Variants in CDC5L observed in about 807,000 individuals in gnomAD.
The protein encoded by CDC5L is cell division cycle 5 like.
A neutral mutation model predicts 104.1 loss-of-function variants in CDC5L; 18 were observed. The ratio of observed to expected loss-of-function variants is 0.17; its 90% CI spans 0.12 to 0.26. The LOEUF (loss-of-function observed/expected upper bound fraction) is 0.26, where lower values mean the gene tolerates loss of function less well. CDC5L is among the 10% of genes least tolerant of loss of function. The pLI is 1.00. For missense variants in CDC5L, 673 were observed against 956.9 expected (o/e 0.70, Z 3.91); for synonymous variants, 331 against 322.7 (o/e 1.03, Z -0.28).
intron 3 of CDC5L, 98 bp downstream of exon 3, chr6:44,392,926 G>C: frequency 9.1e-7 from 1 of 1,099,428 alleles, no homozygotes. Flanking sequence ...TTTTAATTAT[G>C]GATGTGAGTA....
intron 8 of CDC5L, among the ~76,000 whole-genome samples, chr6:44,411,801 A>G (rs1791656208): frequency 6.6e-6 from 1 of 152,192 alleles, no homozygotes; most frequent in African/African-American, 2.4e-5. Context: ...TTTCTCAAGT[A>G]AATAAGTAAA....
chr6:44,442,707 A>G (rs1039684450), intron 14 of CDC5L, among the ~76,000 whole-genome samples: 1 of 152,154 alleles, frequency 6.6e-6, no homozygotes, highest in Admixed American at 6.5e-5. Flanking sequence ...CCTTTATACT[A>G]GAGATATAAT....
At chr6:44,413,639 A>G (rs1488432786) in intron 8 of CDC5L, among the ~76,000 whole-genome samples, 1 of 152,180 alleles carries the variant, frequency 6.6e-6, no homozygotes, top group Non-Finnish European at 1.5e-5. Context: ...GCTGGAGTGC[A>G]GTGGTGCAGT....
At position 44,446,751 on chromosome 6, in the gene CDC5L, G is replaced by T; in HGVS notation, c.*40G>T. 7 of 993,410 alleles carry T rather than the reference G, an allele frequency of 7.0e-6. No homozygotes were observed. The highest frequency in any genetic ancestry group is 2.9e-5 in the South Asian group (2 of 68,116). The allele number at this position is 993,410 out of a possible 1,614,324, so 61.5% of individuals were successfully genotyped here. ...TCTGTCACAGGATTAATTAATTGCC[G>T]GTTTTCATACTCTAGAAGGCTGAAA... On this transcript the variant is annotated 3_prime_UTR_variant, in exon 16 of 16. Coordinates refer to ENST00000371477, the MANE Select transcript of CDC5L (RefSeq NM_001253.4).
intron 6 of CDC5L, among the ~76,000 whole-genome samples, chr6:44,404,382 A>G (rs1791267764): frequency 6.6e-6 from 1 of 152,144 alleles, no homozygotes; most frequent in African/African-American, 2.4e-5. Flanking sequence ...CCTGGGCTCA[A>G]GCGATCCTTC....
At chr6:44,411,291 C>A (rs1409323078) in intron 8 of CDC5L, among the ~76,000 whole-genome samples, 7 of 152,024 alleles carry the variant, frequency 4.6e-5, no homozygotes, top group African/African-American at 7.2e-5. Flanking sequence ...GGATGTTTCA[C>A]TGGGAGAGTT....
intron 14 of CDC5L, among the ~76,000 whole-genome samples, chr6:44,440,914 G>A (rs2153383938): frequency 6.6e-6 from 1 of 152,120 alleles, no homozygotes; most frequent in South Asian, 2.1e-4. Flanking sequence ...CACCATCTTG[G>A]CAAGGCTGGT....
intron 8 of CDC5L, 83 bp downstream of exon 8, chr6:44,408,715 T>G: frequency 2.0e-6 from 2 of 1,020,800 alleles, no homozygotes; most frequent in Non-Finnish European, 2.8e-6. Context: ...AGCGGTTTGG[T>G]TGTGTTTCTT....
In CDC5L at chr6:44,449,135, G is replaced by C. The variant is rs1216046627; in HGVS notation, c.*2424G>C. 1 of 152,032 alleles carries C rather than the reference G, an allele frequency of 6.6e-6. No individual in the cohort carries two copies. Among genetic ancestry groups the C allele is most frequent in the African/African-American group, 2.4e-5 (1 of 41,394 alleles). The allele number at this position is 152,032 out of a possible 1,614,324, so 9.4% of individuals were successfully genotyped here. On this transcript the variant is annotated 3_prime_UTR_variant, in exon 16 of 16. Coordinates refer to ENST00000371477, the MANE Select transcript of CDC5L (RefSeq NM_001253.4). ...AAAAGTTGATCTAATATTAATAAAG[G>C]CTCACTTTGTTTTCAAAATTTGAAG... is the stretch of plus-strand genomic sequence containing the variant.
At chr6:44,412,777 A>ATTT in intron 8 of CDC5L, among the ~76,000 whole-genome samples, 1 of 84,736 alleles carries the variant, frequency 1.2e-5, no homozygotes, top group South Asian at 4.2e-4. Context: ...TTTTAGAATA[A>ATTT]TTTCTTTTTT....
At chr6:44,444,018 A>G (rs1793334823) in intron 14 of CDC5L, among the ~76,000 whole-genome samples, 1 of 151,950 alleles carries the variant, frequency 6.6e-6, no homozygotes, top group African/African-American at 2.4e-5. Flanking sequence ...ATACCTTTTA[A>G]ATCTTTGTAT....
chr6:44,423,810 A>T (rs959220163), intron 10 of CDC5L, among the ~76,000 whole-genome samples: 1 of 152,200 alleles, frequency 6.6e-6, no homozygotes, highest in Non-Finnish European at 1.5e-5. Context: ...TACAAATTCA[A>T]GTATCTTTTA....
chr6:44,411,491 A>G (rs1260096268), intron 8 of CDC5L, among the ~76,000 whole-genome samples: 2 of 151,666 alleles, frequency 1.3e-5, no homozygotes, highest in South Asian at 2.1e-4. Flanking sequence ...TCATTTCTCT[A>G]TTTTCATAGT....
intron 11 of CDC5L, among the ~76,000 whole-genome samples, chr6:44,425,751 A>T (rs1283570713): frequency 3.3e-5 from 5 of 152,100 alleles, no homozygotes; most frequent in Non-Finnish European, 7.4e-5. Context: ...TGGCTTTTTG[A>T]GTTAAAAGTC....
At chr6:44,446,568 G>A (rs1561982713) in intron 15 of CDC5L, 39 bp from the exon 16 acceptor site, 1 of 970,054 alleles carries the variant, frequency 1.0e-6, no homozygotes, top group Admixed American at 2.4e-5. Flanking sequence ...TTTCAGTATA[G>A]TTACATCTAA....
chr6:44,411,421 T>C (rs911763803), intron 8 of CDC5L, among the ~76,000 whole-genome samples: 16 of 150,152 alleles, frequency 1.1e-4, no homozygotes, highest in African/African-American at 3.9e-4. Context: ...GGCCAGTCTC[T>C]GGGAACCTAG....
At chr6:44,413,025 G>A (rs931675484) in intron 8 of CDC5L, among the ~76,000 whole-genome samples, 31 of 151,664 alleles carry the variant, frequency 2.0e-4, no homozygotes, top group Non-Finnish European at 3.5e-4. Context: ...CTCGTGATCC[G>A]CCCGCCTCGG....
chr6:44,397,200 A>T (rs1364138397), intron 5 of CDC5L, among the ~76,000 whole-genome samples: 1 of 152,180 alleles, frequency 6.6e-6, no homozygotes, highest in Non-Finnish European at 1.5e-5. Flanking sequence ...CAACTCATTA[A>T]CATGCAGAAA....
intron 4 of CDC5L, among the ~76,000 whole-genome samples, chr6:44,394,889 TATACACAC>T (rs1346685397): frequency 0.015 from 413 of 27,476 alleles, 4 homozygotes; most frequent in Non-Finnish European, 0.033. Context: ...AAAAAAATGG[TATACACAC>T]ACACACACAC....
Sources: allele counts gnomAD v4.1 joint callset (sites outside exome capture counted in the v4.1 genomes callset), GRCh38; gene constraint gnomAD v4.1.1; transcripts MANE v1.5; gene names NCBI Gene and HGNC (gene_info 2026-07-23, HGNC 2026-07-21).